TEKT5: variants seen among roughly 807,000 people sequenced by gnomAD.
TEKT5 encodes tektin 5.
A neutral mutation model predicts 48.7 loss-of-function variants in TEKT5; 52 were observed. That is an observed-to-expected ratio of 1.07 (90% CI 0.86 to 1.35). The LOEUF (loss-of-function observed/expected upper bound fraction) is 1.35, where lower values mean the gene tolerates loss of function less well. Among genes scored for constraint, TEKT5 ranks in the 40% most tolerant of loss-of-function variants. The pLI, the probability that TEKT5 is intolerant of heterozygous loss-of-function variation, is 0.00. For missense variants in TEKT5, 831 were observed against 641.6 expected, an observed-to-expected ratio of 1.30 and a Z score of -3.19; for synonymous variants, 318 against 267.6, an observed-to-expected ratio of 1.19 and a Z score of -1.84.
At chr16:10,657,366 G>C (rs1319473397) in intron 5 of TEKT5, among the ~76,000 whole-genome samples, 1 of 152,014 alleles carries the variant, frequency 6.6e-6, no homozygotes, top group Non-Finnish European at 1.5e-5. Context: ...GACCTCAGGT[G>C]ATGCACCCGC....
In TEKT5 at chr16:10,627,656, C is replaced by A. The variant is rs1254656054; in HGVS notation, c.1385G>T (p.Cys462Phe). The A allele has an allele frequency of 6.2e-7, 1 of 1,614,076 alleles. No individual in the cohort carries two copies. Among genetic ancestry groups the A allele is most frequent in the Non-Finnish European group, 8.5e-7 (1 of 1,180,044 alleles). The part of the protein sequence containing the change: ...HELAIKANTL[C>F]IDKEKCMGMR... Reference sequence around the variant, plus strand: ...GCCCATGCACTTCTCCTTGTCGATGCAGAGGGTGTTGGCCTTGATGGCGAG... The same window carrying A: ...GCCCATGCACTTCTCCTTGTCGATGAAGAGGGTGTTGGCCTTGATGGCGAG... Residue 462 changes from cysteine to phenylalanine, a missense_variant, in exon 7 of 7, where the codon TGC (cysteine) becomes TTC (phenylalanine). Transcript: ENST00000283025.
chr16:10,658,129 A>C (rs928082151), intron 5 of TEKT5, among the ~76,000 whole-genome samples: 1 of 152,196 alleles, frequency 6.6e-6, no homozygotes, highest in African/African-American at 2.4e-5. Flanking sequence ...CTAAGTGTTG[A>C]CTAGGATGCA....
intron 5 of TEKT5, among the ~76,000 whole-genome samples, chr16:10,643,522 T>C (rs907240957): frequency 6.6e-6 from 1 of 152,238 alleles, no homozygotes; most frequent in Non-Finnish European, 1.5e-5. Flanking sequence ...CTGTCCAACA[T>C]GAGGCCGAGG....
chr16:10,669,384 G>A (rs1157370840), intron 5 of TEKT5, among the ~76,000 whole-genome samples: 1 of 152,082 alleles, frequency 6.6e-6, no homozygotes, highest in African/African-American at 2.4e-5. Context: ...GCTTGAACCT[G>A]GCAGGCGGAG....
intron 5 of TEKT5, among the ~76,000 whole-genome samples, chr16:10,652,197 G>T (rs948944992): frequency 2.6e-5 from 4 of 152,076 alleles, no homozygotes; most frequent in African/African-American, 9.7e-5. Flanking sequence ...ACCTTAGCAA[G>T]TATGGAACCC....
intron 5 of TEKT5, among the ~76,000 whole-genome samples, chr16:10,643,358 G>A (rs563605082): frequency 5.3e-5 from 8 of 151,620 alleles, no homozygotes; most frequent in East Asian, 3.9e-4. Context: ...CAGGCTGGGC[G>A]ACAGAGCGAG....
At chr16:10,681,157 T>C (rs1049551518) in intron 4 of TEKT5, among the ~76,000 whole-genome samples, 1 of 151,904 alleles carries the variant, frequency 6.6e-6, no homozygotes, top group African/African-American at 2.4e-5. Context: ...CAGTAAGCAC[T>C]TGATAAATGT....
In TEKT5 at chr16:10,627,687, G is replaced by T; in HGVS notation, c.1354C>A (p.His452Asn). The part of the protein sequence containing the change: ...LLVMTKCRLE[H>N]ELAIKANTLC... The stretch of plus-strand genomic sequence containing the variant: ...GTGTTGGCCTTGATGGCGAGCTCGT[G>T]CTCCAGCCGGCACTTGGTCATGACC... The change falls in exon 7 of 7, where the codon CAC (histidine) becomes AAC (asparagine). Residue 452 changes from histidine to asparagine, a missense_variant. His to Asn is a moderately conservative substitution (Grantham distance 68, BLOSUM62 1). Coordinates refer to ENST00000283025, the MANE Select transcript of TEKT5 (RefSeq NM_144674.2). The T allele has an allele frequency of 6.2e-7, 1 of 1,614,224 alleles. No individual in the cohort carries two copies. The highest frequency in any genetic ancestry group is 8.5e-7 in the Non-Finnish European group (1 of 1,180,048).
At chr16:10,642,637 C>A (rs1324283342) in intron 5 of TEKT5, among the ~76,000 whole-genome samples, 5 of 152,172 alleles carry the variant, frequency 3.3e-5, no homozygotes, top group African/African-American at 4.8e-5. Flanking sequence ...AGTCTGGCTT[C>A]TTTTACTTAG....
At chr16:10,670,534 C>A (rs2541506) in intron 5 of TEKT5, among the ~76,000 whole-genome samples, 46,900 of 152,008 alleles carry the variant, frequency 0.31, 8,800 homozygotes, top group East Asian at 0.54. Context: ...AAGAAGAGAG[C>A]ATTTCAAATC....
At chr16:10,642,046 C>A (rs1037618002) in intron 5 of TEKT5, among the ~76,000 whole-genome samples, 1 of 152,260 alleles carries the variant, frequency 6.6e-6, no homozygotes, top group Non-Finnish European at 1.5e-5. Flanking sequence ...TGAGACATGA[C>A]AGAGCTACTG....
intron 5 of TEKT5, among the ~76,000 whole-genome samples, chr16:10,645,160 T>C (rs1448383115): frequency 6.6e-6 from 1 of 152,162 alleles, no homozygotes; most frequent in Non-Finnish European, 1.5e-5. Context: ...TATAGTAGCA[T>C]GAATGCAAGG....
At chr16:10,635,945 A>G (rs1024284239) in intron 5 of TEKT5, 27 bp from the exon 6 acceptor site, 1 of 1,610,672 alleles carries the variant, frequency 6.2e-7, no homozygotes, top group Non-Finnish European at 8.5e-7. Flanking sequence ...AGGTGTCACC[A>G]CCCACCAGGC....
In TEKT5 at chr16:10,630,679, T is replaced by C. The variant is rs563712817; in HGVS notation, c.1242-2880A>G. 2.5e-3 allele frequency among the ~76,000 whole-genome samples: 384 copies of C among 152,352 alleles called. 1 individual carries two copies. Among genetic ancestry groups the C allele is most frequent in the African/African-American group, 8.8e-3 (364 of 41,576 alleles). On this transcript the variant is annotated intron_variant, in intron 6 of 6. Transcript: ENST00000283025. ...CCCATGGGGCTAATGAACACTTGAA[T>C]GTGGCCATGCAATTGAGAACCTGAA...
At chr16:10,682,793 T>G (rs1898780971) in intron 3 of TEKT5, among the ~76,000 whole-genome samples, 1 of 152,238 alleles carries the variant, frequency 6.6e-6, no homozygotes, top group African/African-American at 2.4e-5. Flanking sequence ...CAATAAAACT[T>G]TATTTACAAA....
intron 5 of TEKT5, among the ~76,000 whole-genome samples, chr16:10,675,669 T>C (rs1333904590): frequency 6.6e-6 from 1 of 152,182 alleles, no homozygotes; most frequent in Non-Finnish European, 1.5e-5. Flanking sequence ...CTCGGCCACA[T>C]GGGTCTTAGA....
rs141378959 is a variant in TEKT5, at chr16:10,685,588, C to T, written c.720-3452G>A. Among the ~76,000 whole-genome samples, 462 of 152,252 alleles carry T rather than the reference C, an allele frequency of 3.0e-3. 4 individuals are homozygous for T. In the East Asian group the frequency reaches 0.031, roughly 10 times the overall value. On this transcript the variant is annotated intron_variant, in intron 3 of 6. Transcript: ENST00000283025. The stretch of plus-strand genomic sequence containing the variant: ...CTGGGATTACAGACATGAGCCTCCA[C>T]GCCCAGCCTCTTTTCCTCTTTCTCC...
intron 3 of TEKT5, among the ~76,000 whole-genome samples, chr16:10,682,386 G>A (rs112426889): frequency 2.6e-5 from 4 of 151,960 alleles, no homozygotes; most frequent in African/African-American, 9.7e-5. Flanking sequence ...GGAGTGCAGT[G>A]GTGCAGTCAT....
chr16:10,653,979 T>C (rs1489264446), intron 5 of TEKT5, among the ~76,000 whole-genome samples: 1 of 152,028 alleles, frequency 6.6e-6, no homozygotes, highest in Non-Finnish European at 1.5e-5. Context: ...GGGAACTAAG[T>C]AAAATTGTGT....
Sources: gnomAD v4.1 joint callset for allele counts (sites outside exome capture counted in the v4.1 genomes callset) on GRCh38, gnomAD v4.1.1 for gene constraint, MANE v1.5 for transcripts, NCBI Gene and HGNC (gene_info 2026-07-23, HGNC 2026-07-21) for gene names.